Variants in IQSEC1 observed in about 807,000 individuals in gnomAD.
IQSEC1 encodes the protein IQ motif and SEC7 domain-containing protein 1.
IQSEC1 carries 31 observed loss-of-function variants against 91.0 expected under a neutral mutation model. The ratio of observed to expected loss-of-function variants is 0.34; its 90% CI spans 0.26 to 0.46. IQSEC1 has a LOEUF of 0.46. Ranked by LOEUF, IQSEC1 falls within the 20% of genes least tolerant of loss-of-function variation. IQSEC1 has a pLI of 1.00. For synonymous variants in IQSEC1, 699 were observed against 662.6 expected (o/e 1.05, Z -0.84); for missense variants, 1,388 against 1,575.6 (o/e 0.88, Z 2.02).
At chr3:13,251,723 A>G (rs1695196686) in intron 1 of IQSEC1, among the ~76,000 whole-genome samples, 1 of 152,192 alleles carries the variant, frequency 6.6e-6, no homozygotes, top group African/African-American at 2.4e-5. Flanking sequence ...TGTTCCATTC[A>G]ACAATATTCT....
intron 1 of IQSEC1, among the ~76,000 whole-genome samples, chr3:13,200,797 T>A (rs1694230174): frequency 6.6e-6 from 1 of 152,276 alleles, no homozygotes; most frequent in Non-Finnish European, 1.5e-5. Context: ...ACTGCCTTGC[T>A]GTTTTGACTC....
Position 12,909,183 on chromosome 3 carries a change from G to T in IQSEC1, c.2578+90C>A. 1 of 1,357,046 alleles carries T rather than the reference G, an allele frequency of 7.4e-7. No individual in the cohort carries two copies. The highest frequency in any genetic ancestry group is 1.0e-6 in the Non-Finnish European group (1 of 969,560). The allele number at this position is 1,357,046 out of a possible 1,614,324, so 84.1% of individuals were successfully genotyped here. On this transcript the variant is annotated intron_variant, in intron 11 of 13. Transcript: ENST00000613206. This position sits in a 1 kb window ranked among gnomAD's most constrained non-coding sequence, Gnocchi z 4.9. ...AAAGACTGGGGGACATCTTGTCTCT[G>T]TGAGCTCAGAAGTCACTGCCCTGAC...
At chr3:13,270,169 T>C (rs779895523) in intron 1 of IQSEC1, among the ~76,000 whole-genome samples, 16 of 152,204 alleles carry the variant, frequency 1.1e-4, no homozygotes, top group Non-Finnish European at 1.9e-4. Flanking sequence ...ATTAAAAACA[T>C]AGGGAACAGA....
At chr3:12,916,763 CAG>C (rs1553650786) in intron 6 of IQSEC1, among the ~76,000 whole-genome samples, 4 of 152,230 alleles carry the variant, frequency 2.6e-5, no homozygotes, top group Non-Finnish European at 4.4e-5. Flanking sequence ...TACCCATTAA[CAG>C]GGGAGTGCTC....
rs1243666896 is a variant in IQSEC1, at chr3:12,922,126, G to A, written c.1847C>T (p.Ala616Val). ...EAQKVERLIEAFSQRYCICNP... is the reference protein window; with the variant it reads ...EAQKVERLIEVFSQRYCICNP... ...CAGCCAGCCCGGGCCCCACCTGAAC[G>A]CCTCTATGAGCCGCTCCACTTTCTG... Residue 616 changes from alanine to valine, a missense_variant, in exon 5 of 14, where the codon GCG becomes GTG. This residue lies in a region of IQSEC1 where 1,059 missense variants were observed against 1,317.8 expected (regional missense o/e 0.80). Transcript: ENST00000613206. The surrounding 1 kb of genome is among the most constrained non-coding windows in gnomAD (Gnocchi z 5.1). The A allele has an allele frequency of 1.3e-5, 21 of 1,595,768 alleles. No individual in the cohort carries two copies. The highest frequency in any genetic ancestry group is 6.7e-5 in the South Asian group (6 of 89,984).
At chr3:13,129,859 C>T (rs575563776) in intron 2 of IQSEC1, among the ~76,000 whole-genome samples, 4 of 151,726 alleles carry the variant, frequency 2.6e-5, no homozygotes, top group East Asian at 3.9e-4. Flanking sequence ...AGGGTTTCAC[C>T]GTGTTAGCCT....
chr3:12,956,740 C>T (rs1699931744), intron 1 of IQSEC1, among the ~76,000 whole-genome samples: 1 of 152,194 alleles, frequency 6.6e-6, no homozygotes, highest in Admixed American at 6.5e-5. Flanking sequence ...CCAGAAGCGT[C>T]CCTGGGGAGT....
Position 12,915,854 on chromosome 3 carries a change from G to A in IQSEC1, c.2021-121C>T, listed in dbSNP as rs1020695158. 7 of 1,155,960 alleles carry A rather than the reference G, an allele frequency of 6.1e-6. No individual in the cohort carries two copies. The African/African-American group carries it at 9.2e-5, about 15-fold the overall frequency. 71.6% of individuals were successfully genotyped at this position (1,155,960 alleles called of 1,614,324 possible). ...ACCCAACAGAACCAAAGAACTCCCA[G>A]GCAGGCCCACAGCAACAGGACATTT... On this transcript the variant is annotated intron_variant, in intron 6 of 13. Transcript: ENST00000613206.
At chr3:13,001,413 A>G (rs1275177593) in intron 1 of IQSEC1, among the ~76,000 whole-genome samples, 2 of 152,182 alleles carry the variant, frequency 1.3e-5, no homozygotes, top group African/African-American at 4.8e-5. Context: ...AAACTTAAGA[A>G]CTGATGGGCC....
In IQSEC1 at chr3:13,281,702, C is replaced by T. The variant is rs955055570; in HGVS notation, c.272+1009G>A. Among the ~76,000 whole-genome samples, 7 of 152,208 alleles carry T rather than the reference C, an allele frequency of 4.6e-5. No homozygotes were observed. The South Asian group carries it at 1.2e-3, about 27-fold the overall frequency. ...CCACCTTCTGGGGCCACAGCTAACT[C>T]CTCCCCCATTTCCACCCTGGAAGGG... is the stretch of plus-strand genomic sequence containing the variant. On this transcript the variant is annotated intron_variant, in intron 1 of 15. Transcript: ENST00000648114.
At chr3:12,943,811 G>A (rs192238277) in intron 1 of IQSEC1, among the ~76,000 whole-genome samples, 2 of 152,380 alleles carry the variant, frequency 1.3e-5, no homozygotes, top group East Asian at 3.9e-4. Flanking sequence ...ACAACCAGTG[G>A]CCCAGGTGGT....
intron 1 of IQSEC1, among the ~76,000 whole-genome samples, chr3:13,210,663 A>C (rs1025794400): frequency 6.6e-6 from 1 of 151,964 alleles, no homozygotes; most frequent in African/African-American, 2.4e-5. Flanking sequence ...GAGTCCACTA[A>C]CAGCCGGGGC....
At chr3:12,993,987 G>A (rs1258230169) in intron 1 of IQSEC1, among the ~76,000 whole-genome samples, 1 of 150,920 alleles carries the variant, frequency 6.6e-6, no homozygotes, top group Admixed American at 6.6e-5. Context: ...GCCGCCCCGC[G>A]GAGGGCATTC....
intron 3 of IQSEC1, among the ~76,000 whole-genome samples, chr3:12,927,351 A>T (rs990507791): frequency 3.3e-5 from 5 of 151,702 alleles, no homozygotes; most frequent in Non-Finnish European, 4.4e-5. Flanking sequence ...TGAGTGGGGG[A>T]GCCGGGCTAG....
intron 1 of IQSEC1, among the ~76,000 whole-genome samples, chr3:13,032,161 A>G (rs1195127305): frequency 6.6e-6 from 1 of 151,862 alleles, no homozygotes; most frequent in Non-Finnish European, 1.5e-5. Context: ...CAAGCCCCCT[A>G]CTCCTTCAAA....
intron 1 of IQSEC1, among the ~76,000 whole-genome samples, chr3:13,004,185 C>A (rs1029635127): frequency 1.3e-5 from 2 of 152,168 alleles, no homozygotes; most frequent in African/African-American, 4.8e-5. Context: ...GAGGGTGCCC[C>A]TGCTCATCAT....
chr3:12,961,759 G>A (rs560090746), intron 1 of IQSEC1, among the ~76,000 whole-genome samples: 28 of 152,344 alleles, frequency 1.8e-4, no homozygotes, highest in African/African-American at 6.0e-4. Context: ...TTCTGGTGCT[G>A]ACTATGCACT....
At chr3:13,173,097 A>G (rs1369980004) in intron 1 of IQSEC1, among the ~76,000 whole-genome samples, 1 of 152,248 alleles carries the variant, frequency 6.6e-6, no homozygotes, top group Non-Finnish European at 1.5e-5. Flanking sequence ...TCCCCTGGGA[A>G]AAGTCTGGAA....
intron 1 of IQSEC1, among the ~76,000 whole-genome samples, chr3:13,280,033 C>G (rs745657636): frequency 3.9e-5 from 6 of 152,202 alleles, no homozygotes; most frequent in Non-Finnish European, 8.8e-5. Context: ...TTACTGTATA[C>G]CAGTTTCCTC....
Sources: gnomAD v4.1 joint callset for allele counts (sites outside exome capture counted in the v4.1 genomes callset) on GRCh38, gnomAD v4.1.1 for gene constraint, gnomAD v4.1.1 regional missense constraint, Gnocchi (gnomAD v3.1) non-coding constraint, MANE v1.5 for transcripts, NCBI Gene and HGNC (gene_info 2026-07-23, HGNC 2026-07-21) for gene names.